The following SMYD3 variants were observed in gnomAD, a reference collection of about 807,000 sequenced individuals.
The protein encoded by SMYD3 is SET and MYND domain containing 3, also known as histone-lysine N-methyltransferase SMYD3.
A neutral mutation model predicts 57.7 loss-of-function variants in SMYD3; 36 were observed. The observed-to-expected ratio is 0.62, with a 90% CI of 0.48 to 0.82. The LOEUF (loss-of-function observed/expected upper bound fraction) is 0.82. Among genes scored for constraint, SMYD3 ranks in the 40% least tolerant of loss-of-function variants. The probability of loss-of-function intolerance (pLI) is 0.00; values close to 1 mark genes in which losing one functional copy is unlikely to be tolerated. For missense variants in SMYD3, 515 were observed against 538.8 expected, an observed-to-expected ratio of 0.96 and a Z score of 0.44; for synonymous variants, 211 against 195.0, an observed-to-expected ratio of 1.08 and a Z score of -0.68.
intron 10 of SMYD3, among the ~76,000 whole-genome samples, chr1:245,820,573 G>C (rs1051786056): frequency 6.6e-6 from 1 of 150,424 alleles, no homozygotes. Context: ...AGGAAATAAA[G>C]GGTATTCAAT....
chr1:245,923,086 T>C (rs1482661845), intron 7 of SMYD3, among the ~76,000 whole-genome samples: 1 of 152,120 alleles, frequency 6.6e-6, no homozygotes, highest in Non-Finnish European at 1.5e-5. Flanking sequence ...CACGTTTCAA[T>C]CATATGGTTC....
In SMYD3 at chr1:246,117,319, G is replaced by A. The variant is rs193088864; in HGVS notation, c.532-187382C>T. On this transcript the variant is annotated intron_variant, in intron 5 of 11. Coordinates refer to ENST00000490107, the MANE Select transcript of SMYD3 (RefSeq NM_001167740.2). ...GTATTTACATTGCACAGCACCTTCC[G>A]TTAGAAGGAACCAACACAGATGTGG... Among the ~76,000 whole-genome samples the A allele has an allele frequency of 6.5e-4, 99 of 152,198 alleles. 1 individual carries two copies. Among genetic ancestry groups the A allele is most frequent in the Admixed American group, 5.3e-3 (81 of 15,286 alleles).
intron 1 of SMYD3, among the ~76,000 whole-genome samples, chr1:246,485,701 G>A (rs957047738): frequency 9.2e-5 from 14 of 152,086 alleles, no homozygotes; most frequent in Non-Finnish European, 1.9e-4. Flanking sequence ...GAGGTGGAAA[G>A]ATTGCTTGAG....
intron 5 of SMYD3, among the ~76,000 whole-genome samples, chr1:246,092,802 A>C (rs1410793754): frequency 1.3e-5 from 2 of 152,188 alleles, no homozygotes; most frequent in Non-Finnish European, 2.9e-5. Context: ...CAAACAAAAC[A>C]ATCAACAGAG....
At chr1:246,212,539 C>T (rs953068466) in intron 5 of SMYD3, among the ~76,000 whole-genome samples, 8 of 151,772 alleles carry the variant, frequency 5.3e-5, no homozygotes, top group Admixed American at 1.3e-4. Context: ...TTTTTCTATG[C>T]GTTTCTAGGT....
chr1:246,415,645 A>T (rs1382916139), intron 1 of SMYD3, among the ~76,000 whole-genome samples: 5 of 152,124 alleles, frequency 3.3e-5, no homozygotes. Flanking sequence ...GCTAGACTCA[A>T]ACTATTGGGC....
intron 1 of SMYD3, among the ~76,000 whole-genome samples, chr1:246,447,051 C>T (rs2103025482): frequency 6.6e-6 from 1 of 150,710 alleles, no homozygotes; most frequent in African/African-American, 2.4e-5. Flanking sequence ...AAAAAAATGG[C>T]ATCCTATCTA....
At chr1:245,831,420 G>C (rs1369415401) in intron 10 of SMYD3, among the ~76,000 whole-genome samples, 1 of 152,170 alleles carries the variant, frequency 6.6e-6, no homozygotes, top group African/African-American at 2.4e-5. Context: ...GAATATTTCG[G>C]GGTAAACCAG....
chr1:246,083,936 G>T (rs181949154), intron 5 of SMYD3, among the ~76,000 whole-genome samples: 151 of 152,138 alleles, frequency 9.9e-4, no homozygotes, highest in Non-Finnish European at 1.7e-3. Flanking sequence ...TGAAAAATTT[G>T]AAAATATGTC....
intron 5 of SMYD3, among the ~76,000 whole-genome samples, chr1:246,233,984 C>A (rs2063469792): frequency 7.1e-6 from 1 of 141,462 alleles, no homozygotes; most frequent in African/African-American, 2.6e-5. Flanking sequence ...TCCTTCAATT[C>A]ACACTGTGAT....
At chr1:246,493,337 A>G (rs1340183212) in intron 1 of SMYD3, among the ~76,000 whole-genome samples, 1 of 152,102 alleles carries the variant, frequency 6.6e-6, no homozygotes, top group Non-Finnish European at 1.5e-5. Context: ...GAGGAGTAGG[A>G]GGAGGCAGCT....
At chr1:246,067,159 A>G (rs1467090330) in intron 5 of SMYD3, among the ~76,000 whole-genome samples, 1 of 152,250 alleles carries the variant, frequency 6.6e-6, no homozygotes, top group Non-Finnish European at 1.5e-5. Context: ...TGTCACAAAG[A>G]TCGTGATTCT....
At chr1:245,882,788 AT>A (rs2052859886) in intron 8 of SMYD3, among the ~76,000 whole-genome samples, 2 of 152,240 alleles carry the variant, frequency 1.3e-5, no homozygotes, top group African/African-American at 2.4e-5. Context: ...TAATAAAAAA[AT>A]CTAAATGATA....
intron 5 of SMYD3, among the ~76,000 whole-genome samples, chr1:246,235,394 T>C (rs1385000955): frequency 1.3e-5 from 2 of 152,216 alleles, no homozygotes; most frequent in African/African-American, 4.8e-5. Context: ...AAAAGTGTTA[T>C]TCATTGTGGA....
intron 5 of SMYD3, among the ~76,000 whole-genome samples, chr1:246,068,104 T>G (rs543790912): frequency 3.9e-5 from 6 of 152,128 alleles, no homozygotes; most frequent in Non-Finnish European, 8.8e-5. Flanking sequence ...GGTTGAGTCT[T>G]TCTTGGTTAA....
At chr1:246,237,200 C>T (rs2063526720) in intron 5 of SMYD3, among the ~76,000 whole-genome samples, 1 of 152,058 alleles carries the variant, frequency 6.6e-6, no homozygotes, top group Non-Finnish European at 1.5e-5. Context: ...TCATACTCCC[C>T]GATATAACTG....
intron 5 of SMYD3, among the ~76,000 whole-genome samples, chr1:246,106,886 C>T (rs2061133115): frequency 6.6e-6 from 1 of 152,168 alleles, no homozygotes; most frequent in South Asian, 2.1e-4. Flanking sequence ...ATTCCTTAAA[C>T]TCTCCGAAAC....
At chr1:246,016,088 A>C (rs1235942846) in intron 5 of SMYD3, among the ~76,000 whole-genome samples, 1 of 152,142 alleles carries the variant, frequency 6.6e-6, no homozygotes, top group African/African-American at 2.4e-5. Flanking sequence ...ACAGAAAAGC[A>C]TTGACATGAG....
chr1:245,927,386 G>A (rs1370484907), intron 7 of SMYD3, among the ~76,000 whole-genome samples: 1 of 152,198 alleles, frequency 6.6e-6, no homozygotes, highest in African/African-American at 2.4e-5. Flanking sequence ...TTGCATCTTT[G>A]CTGAAATGAT....
Sources: allele counts gnomAD v4.1 joint callset (sites outside exome capture counted in the v4.1 genomes callset), GRCh38; gene constraint gnomAD v4.1.1; transcripts MANE v1.5; gene names NCBI Gene and HGNC (gene_info 2026-07-23, HGNC 2026-07-21).